The following ZNF185 variants were observed in gnomAD, a reference collection of about 807,000 sequenced individuals.
ZNF185 encodes the protein zinc finger protein 185.
A neutral mutation model predicts 58.6 loss-of-function variants in ZNF185; 56 were observed. That is an observed-to-expected ratio of 0.95 (90% CI 0.77 to 1.19). The LOEUF (loss-of-function observed/expected upper bound fraction) is 1.19, where lower values mean the gene tolerates loss of function less well. Ranked by LOEUF, ZNF185 falls within the 50% of genes most tolerant of loss-of-function variation. The pLI is 0.00. For synonymous variants in ZNF185, 230 were observed against 215.9 expected, an observed-to-expected ratio of 1.07 and a Z score of -0.57; for missense variants, 627 against 573.5, an observed-to-expected ratio of 1.09 and a Z score of -0.95.
chrX:152,936,317 G>A, intron 14 of ZNF185, 101 bp from the exon 16 acceptor site: 1 of 664,846 alleles, frequency 1.5e-6, no homozygotes, highest in East Asian at 3.6e-5. Context: ...CAGCTTCTTG[G>A]TCCTCATCAT....
rs191087447 is a variant in ZNF185, at chrX:152,946,458, T to C, written c.1409+994T>C. ...GAATATCTAGCCCATCTTTGATTCC[T>C]TGGCTCCAGGCCCTGGAGGGTCCCA... On this transcript the variant is annotated intron_variant, in intron 16 of 22. Transcript: ENST00000449285. Among the ~76,000 whole-genome samples, 20 of 112,392 alleles carry C rather than the reference T, an allele frequency of 1.8e-4. No individual in the cohort carries two copies. In the East Asian group the frequency reaches 5.6e-3, roughly 32 times the overall value.
At position 152,936,531 on chromosome X, in the gene ZNF185, G is replaced by A; in HGVS notation, c.1122-1543G>A. On this transcript the variant is annotated intron_variant, in intron 14 of 22. Transcript: ENST00000449285. The stretch of plus-strand genomic sequence containing the variant: ...GCCATCAGGTAAGGTTAGGGCCACT[G>A]CCCTAGTGCCCTATCCCATTGCCAG... 1 of 1,138,888 alleles carries A rather than the reference G, an allele frequency of 8.8e-7. No individual in the cohort carries two copies. Among genetic ancestry groups the A allele is most frequent in the Non-Finnish European group, 1.2e-6 (1 of 849,206 alleles). The allele number at this position is 1,138,888 out of a possible 1,213,427, so 93.9% of individuals were successfully genotyped here. A position where few individuals can be genotyped will look rare whatever the true frequency, so the allele number is the denominator to read the frequency against.
At chrX:152,906,710 G>A in the ZNF185 span, among the ~76,000 whole-genome samples, 1 of 111,717 alleles carries the variant, frequency 9.0e-6, no homozygotes, top group African/African-American at 3.3e-5. Flanking sequence ...GCAGAGCTGG[G>A]TGTCTGCTCA....
At chrX:152,931,147 C>G (rs743639) in intron 12 of ZNF185, among the ~76,000 whole-genome samples, 43,431 of 111,153 alleles carry the variant, frequency 0.39, 6,129 homozygotes, top group East Asian at 0.51. Flanking sequence ...TTGCCAGGCA[C>G]AGTGGCTCAC....
chrX:152,954,719 C>T (rs782401502), intron 16 of ZNF185, among the ~76,000 whole-genome samples: 1 of 112,521 alleles, frequency 8.9e-6, no homozygotes, highest in Non-Finnish European at 1.9e-5. Flanking sequence ...TTGACTCAGA[C>T]TCTCAACCAG....
intron 16 of ZNF185, among the ~76,000 whole-genome samples, chrX:152,954,727 C>A (rs1302681154): frequency 4.4e-5 from 5 of 112,390 alleles, no homozygotes; most frequent in Admixed American, 3.8e-4. Flanking sequence ...GACTCTCAAC[C>A]AGCGAGGTAG....
chrX:152,952,426 G>T (rs1353738093), intron 16 of ZNF185, among the ~76,000 whole-genome samples: 1 of 112,134 alleles, frequency 8.9e-6, no homozygotes, highest in Admixed American at 9.5e-5. Flanking sequence ...AGAGGATAAG[G>T]GATTTTGTAA....
intron 16 of ZNF185, among the ~76,000 whole-genome samples, chrX:152,946,168 G>A (rs996731935): frequency 1.2e-4 from 13 of 112,455 alleles, no homozygotes; most frequent in Non-Finnish European, 1.3e-4. Context: ...GGTGCAAAGC[G>A]AACAGTTTCT....
At chrX:152,939,076 G>A (rs1556886164) in intron 15 of ZNF185, among the ~76,000 whole-genome samples, 3 of 111,821 alleles carry the variant, frequency 2.7e-5, no homozygotes, top group African/African-American at 6.5e-5. Flanking sequence ...GCCTTGGTAA[G>A]CCATGGTTAA....
intron 8 of ZNF185, 25 bp downstream of exon 9, chrX:152,920,436 G>A (rs781790656): frequency 8.4e-7 from 1 of 1,195,495 alleles, no homozygotes; most frequent in South Asian, 1.8e-5. Context: ...ACTGGCTCCA[G>A]GCTCTAGGAC....
the ZNF185 span, among the ~76,000 whole-genome samples, chrX:152,901,782 G>T: frequency 9.0e-6 from 1 of 111,697 alleles, no homozygotes; most frequent in Non-Finnish European, 1.9e-5. Flanking sequence ...AAATGACTGA[G>T]AACTGACAGC....
chrX:152,924,711 C>T (rs782665710), intron 11 of ZNF185, among the ~76,000 whole-genome samples: 2 of 112,342 alleles, frequency 1.8e-5, no homozygotes, highest in African/African-American at 6.5e-5. Context: ...GATGGAGTCT[C>T]GCTCTGTCGC....
intron 20 of ZNF185, among the ~76,000 whole-genome samples, chrX:152,968,977 A>G (rs1294414443): frequency 9.0e-6 from 1 of 111,683 alleles, no homozygotes; most frequent in East Asian, 2.8e-4. Flanking sequence ...GAGAAGGGCC[A>G]TCAAGACGGG....
intron 16 of ZNF185, among the ~76,000 whole-genome samples, chrX:152,952,702 A>G (rs941146803): frequency 9.0e-6 from 1 of 111,305 alleles, no homozygotes; most frequent in Non-Finnish European, 1.9e-5. Context: ...GGAAGGTCCA[A>G]GGTGGTGAAA....
intron 15 of ZNF185, among the ~76,000 whole-genome samples, chrX:152,941,389 T>C (rs192804854): frequency 3.6e-5 from 4 of 112,445 alleles, no homozygotes; most frequent in African/African-American, 1.3e-4. Flanking sequence ...ATTATGGGGT[T>C]CAAAATGGTA....
chrX:152,965,465 G>A (rs1556913799), exon 19 of ZNF185: 1 of 1,185,393 alleles, frequency 8.4e-7, no homozygotes. Context: ...TTCTCTTCGT[G>A]AAGGAGTACG....
chrX:152,958,018 C>T (rs1037668361), intron 16 of ZNF185, among the ~76,000 whole-genome samples: 10 of 111,878 alleles, frequency 8.9e-5, no homozygotes, highest in African/African-American at 3.3e-4. Flanking sequence ...ACCATTGCCC[C>T]GGGAGCCAAG....
chrX:152,938,171 A>G lies in ZNF185; in HGVS notation c.1211+8A>G. The G allele has an allele frequency of 8.5e-7, 1 of 1,174,589 alleles. No homozygotes were observed. The highest frequency in any genetic ancestry group is 1.1e-6 in the Non-Finnish European group (1 of 875,601). On this transcript the variant is annotated splice_region_variant and intron_variant, in intron 15 of 22. Coordinates refer to ENST00000449285, the Ensembl canonical transcript of ZNF185. ...AAAGGCAGACCCAAAGGGGTAAGGC[A>G]TGAGCAGACAGTGCTGAACTTCTGG...
intron 15 of ZNF185, among the ~76,000 whole-genome samples, chrX:152,942,968 A>G (rs148871515): frequency 0.017 from 1,913 of 111,573 alleles, 50 homozygotes; most frequent in African/African-American, 0.058. Flanking sequence ...CTATATATGT[A>G]TATGTATATG....
Sources: gnomAD v4.1 joint callset for allele counts (sites outside exome capture counted in the v4.1 genomes callset) on GRCh38, gnomAD v4.1.1 for gene constraint, MANE v1.5 for transcripts, NCBI Gene and HGNC (gene_info 2026-07-23, HGNC 2026-07-21) for gene names.